EDAR: variants seen among roughly 807,000 people sequenced by gnomAD.
The protein encoded by EDAR is tumor necrosis factor receptor superfamily member EDAR.
Under a neutral mutation model 51.3 loss-of-function variants are expected in EDAR, and 38 were observed. That is an observed-to-expected ratio of 0.74 (90% CI 0.57 to 0.97). The LOEUF is 0.97. EDAR is among the 50% of genes least tolerant of loss of function. EDAR has a pLI of 0.00. For synonymous variants in EDAR, 227 were observed against 242.1 expected (o/e 0.94, Z 0.58); for missense variants, 528 against 595.0 (o/e 0.89, Z 1.17).
rs1696568936 is a variant in EDAR, at chr2:108,895,639, T to C, written c.*1268A>G. On this transcript the variant is annotated 3_prime_UTR_variant, in exon 12 of 12. Transcript: ENST00000258443. ...GCCTGGCATTTCCTATAGCTCCACTTTCTTTTTGCTCACCTGAACCCTACC... is the reference window on the plus strand; with the variant it reads ...GCCTGGCATTTCCTATAGCTCCACTCTCTTTTTGCTCACCTGAACCCTACC... 1 of 152,230 alleles carries C rather than the reference T, an allele frequency of 6.6e-6. No individual in the cohort carries two copies. The allele number at this position is 152,230 out of a possible 1,614,324, so 9.4% of individuals were successfully genotyped here. A position where few individuals can be genotyped will look rare whatever the true frequency, so the allele number is the denominator to read the frequency against.
At position 108,905,895 on chromosome 2, in the gene EDAR, G is replaced by A. The variant is rs185130951; in HGVS notation, c.1024+413C>T. Among the ~76,000 whole-genome samples, 17 of 146,184 alleles carry A rather than the reference G, an allele frequency of 1.2e-4. No individual in the cohort carries two copies. In the East Asian group the frequency reaches 1.5e-3, roughly 13 times the overall value. ...GAGGCTCCCAGGGCTATCAGACATCGGGGATGCTCGAGGGCAGGGAGAGGG... is the reference window on the plus strand; with the variant it reads ...GAGGCTCCCAGGGCTATCAGACATCAGGGATGCTCGAGGGCAGGGAGAGGG... On this transcript the variant is annotated intron_variant, in intron 11 of 11. Transcript: ENST00000258443.
intron 9 of EDAR, among the ~76,000 whole-genome samples, chr2:108,908,960 C>T (rs548152835): frequency 6.6e-6 from 1 of 152,206 alleles, no homozygotes; most frequent in African/African-American, 2.4e-5. Context: ...TGGTAGGACC[C>T]ATCCCTGTCC....
At position 108,894,915 on chromosome 2, in the gene EDAR, C is replaced by G. The variant is rs1393528986; in HGVS notation, c.*1992G>C. On this transcript the variant is annotated 3_prime_UTR_variant, in exon 12 of 12. Coordinates refer to ENST00000258443, the MANE Select transcript of EDAR (RefSeq NM_022336.4). ...GCACCAGGAGCAGAGAACAGCCACC[C>G]CACTCTTTCGCTGAAAACATTCTGA... 6.6e-6 allele frequency: 1 copy of G among 152,234 alleles called. No individual in the cohort carries two copies. Among genetic ancestry groups the G allele is most frequent in the South Asian group, 2.1e-4 (1 of 4,818 alleles). The allele number at this position is 152,234 out of a possible 1,614,324, so 9.4% of individuals were successfully genotyped here.
At chr2:108,986,172 T>A (rs1374123922) in intron 1 of EDAR, among the ~76,000 whole-genome samples, 3 of 152,214 alleles carry the variant, frequency 2.0e-5, no homozygotes, top group Non-Finnish European at 4.4e-5. Context: ...AGTTTTTTTT[T>A]AGTTACTAGA....
At chr2:108,951,886 T>C (rs1697834171) in intron 1 of EDAR, among the ~76,000 whole-genome samples, 1 of 152,184 alleles carries the variant, frequency 6.6e-6, no homozygotes, top group African/African-American at 2.4e-5. Context: ...CAAGGTCTCT[T>C]GAGGTATTGA....
At chr2:108,909,036 G>T (rs1265066626) in intron 9 of EDAR, among the ~76,000 whole-genome samples, 1 of 152,134 alleles carries the variant, frequency 6.6e-6, no homozygotes, top group Non-Finnish European at 1.5e-5. Flanking sequence ...TGAGACCTAA[G>T]GACAAACAGC....
At chr2:108,974,033 G>T (rs1039086327) in intron 1 of EDAR, among the ~76,000 whole-genome samples, 1 of 152,184 alleles carries the variant, frequency 6.6e-6, no homozygotes, top group Non-Finnish European at 1.5e-5. Context: ...AAGAAAAATA[G>T]AAATGCCACA....
At chr2:108,927,936 C>G (rs1276866760) in intron 4 of EDAR, among the ~76,000 whole-genome samples, 2 of 152,172 alleles carry the variant, frequency 1.3e-5, no homozygotes, top group Non-Finnish European at 2.9e-5. Flanking sequence ...ATCTGCACCC[C>G]TGGTCAGTGC....
At chr2:108,968,855 C>T (rs1258350548) in intron 1 of EDAR, among the ~76,000 whole-genome samples, 1 of 152,210 alleles carries the variant, frequency 6.6e-6, no homozygotes, top group African/African-American at 2.4e-5. Context: ...CTCTGCTATG[C>T]ACTATTTGGC....
At chr2:108,958,180 T>C (rs560489959) in intron 1 of EDAR, among the ~76,000 whole-genome samples, 2 of 152,260 alleles carry the variant, frequency 1.3e-5, no homozygotes, top group East Asian at 1.9e-4. Context: ...AGGGCCTTTA[T>C]ACAAAGAAGT....
intron 1 of EDAR, among the ~76,000 whole-genome samples, chr2:108,981,970 C>T (rs1698427367): frequency 6.6e-6 from 1 of 152,236 alleles, no homozygotes; most frequent in African/African-American, 2.4e-5. Context: ...AGCCACTGTG[C>T]TAGGTGCCAG....
intron 1 of EDAR, among the ~76,000 whole-genome samples, chr2:108,946,588 G>T (rs1019182329): frequency 2.6e-5 from 4 of 152,322 alleles, no homozygotes; most frequent in African/African-American, 9.6e-5. Flanking sequence ...TTGACTCACA[G>T]TTCCACATGG....
At chr2:108,910,419 A>C (rs755168838) in intron 9 of EDAR, 41 bp downstream of exon 9, 1 of 1,538,520 alleles carries the variant, frequency 6.5e-7, no homozygotes, top group Non-Finnish European at 9.0e-7. Flanking sequence ...CAGGATCCAC[A>C]GGACCCCAGC....
rs886054745 is a variant in EDAR at position 108,931,018 on chromosome 2, C to T, written c.-4G>A. The T allele has an allele frequency of 6.2e-7, 1 of 1,614,076 alleles. No individual in the cohort carries two copies. On this transcript the variant is annotated 5_prime_UTR_variant, in exon 2 of 12. Transcript: ENST00000258443. ...TGCAGTCCCCCACATGGGCCATCCT[C>T]TCCCAAGGGCTCACCTGAAAGACAT...
rs762163525 is a variant in EDAR at position 108,911,038 on chromosome 2, C to A, written c.564G>T (p.Leu188=). The change falls in exon 7 of 12, where the codon CTG becomes CTT. Residue 188 remains leucine (L), a synonymous_variant. Coordinates refer to ENST00000258443, the MANE Select transcript of EDAR (RefSeq NM_022336.4). ...LSGQGHLATA[L]IIAMSTIFIM... is the part of the protein sequence containing the mutation. ...TGAAGATGGTGGACATTGCAATGAT[C>A]AGGGCAGTGGCCAGGTGTCCTTGGC... 1.2e-6 allele frequency: 2 copies of A among 1,614,166 alleles called. No individual in the cohort carries two copies.
intron 5 of EDAR, among the ~76,000 whole-genome samples, chr2:108,921,060 C>A (rs912761905): frequency 6.6e-6 from 1 of 152,182 alleles, no homozygotes; most frequent in Non-Finnish European, 1.5e-5. Context: ...CCAAGCAATT[C>A]GAGTCATAAG....
At chr2:108,946,412 T>C (rs747551195) in intron 1 of EDAR, among the ~76,000 whole-genome samples, 2 of 152,312 alleles carry the variant, frequency 1.3e-5, no homozygotes, top group Non-Finnish European at 1.5e-5. Flanking sequence ...AGACAACCCC[T>C]TGGGGACTGG....
At chr2:108,943,053 C>T (rs1326221295) in intron 1 of EDAR, among the ~76,000 whole-genome samples, 1 of 152,188 alleles carries the variant, frequency 6.6e-6, no homozygotes, top group Non-Finnish European at 1.5e-5. Context: ...ATTACATGTC[C>T]CTTTCAGAGT....
chr2:108,920,670 T>C (rs1247102072), intron 5 of EDAR, among the ~76,000 whole-genome samples: 1 of 152,220 alleles, frequency 6.6e-6, no homozygotes, highest in African/African-American at 2.4e-5. Context: ...CTCTTTGGTT[T>C]CCCTCTCATT....
Sources: gnomAD v4.1 joint callset for allele counts (sites outside exome capture counted in the v4.1 genomes callset) on GRCh38, gnomAD v4.1.1 for gene constraint, MANE v1.5 for transcripts, NCBI Gene and HGNC (gene_info 2026-07-23, HGNC 2026-07-21) for gene names.